The following TMPRSS11F variants were observed in gnomAD, a reference collection of about 807,000 sequenced individuals.
TMPRSS11F encodes the protein transmembrane serine protease 11F, also known as transmembrane protease serine 11F.
Under a neutral mutation model 60.2 loss-of-function variants are expected in TMPRSS11F, and 47 were observed. The ratio of observed to expected loss-of-function variants is 0.78; its 90% CI spans 0.62 to 1.00. TMPRSS11F has a LOEUF of 1.00. TMPRSS11F is among the 50% of genes least tolerant of loss of function. The pLI is 0.00. For missense variants in TMPRSS11F, 519 were observed against 522.9 expected, an observed-to-expected ratio of 0.99 and a Z score of 0.07; for synonymous variants, 166 against 167.3, an observed-to-expected ratio of 0.99 and a Z score of 0.06.
chr4:68,060,515 CAAAAAAA>C (rs71218926), intron 8 of TMPRSS11F, among the ~76,000 whole-genome samples: 5 of 29,638 alleles, frequency 1.7e-4, no homozygotes, highest in African/African-American at 6.3e-4. Context: ...GACTCCAACT[CAAAAAAA>C]AAAAAAAAAA....
At chr4:68,117,700 G>T (rs1724555507) in intron 1 of TMPRSS11F, among the ~76,000 whole-genome samples, 1 of 151,996 alleles carries the variant, frequency 6.6e-6, no homozygotes, top group African/African-American at 2.4e-5. Context: ...GCTAGGGTTG[G>T]CTCCAAGTTC....
intron 3 of TMPRSS11F, among the ~76,000 whole-genome samples, chr4:68,085,062 A>T (rs1158923832): frequency 7.8e-6 from 1 of 127,474 alleles, no homozygotes; most frequent in East Asian, 2.2e-4. Flanking sequence ...AAGGACATGA[A>T]CTCATCATTT....
At chr4:68,092,772 T>C (rs1723970280) in intron 2 of TMPRSS11F, among the ~76,000 whole-genome samples, 2 of 152,142 alleles carry the variant, frequency 1.3e-5, no homozygotes, top group Non-Finnish European at 2.9e-5. Flanking sequence ...AGCTATTCTA[T>C]TCATTATCAT....
At chr4:68,086,685 C>T (rs1723821597) in intron 3 of TMPRSS11F, among the ~76,000 whole-genome samples, 1 of 152,038 alleles carries the variant, frequency 6.6e-6, no homozygotes, top group Middle Eastern at 3.2e-3. Flanking sequence ...ACAAAGTTGA[C>T]ATTACAACCA....
chr4:68,093,398 C>G (rs944665317), intron 2 of TMPRSS11F, among the ~76,000 whole-genome samples: 32 of 152,088 alleles, frequency 2.1e-4, no homozygotes, highest in African/African-American at 7.5e-4. Context: ...AAAATCAATT[C>G]AAGATGGATT....
chr4:68,066,552 A>G lies in TMPRSS11F; in HGVS notation c.756-1608T>C, dbSNP rs139144372. ...TCCCCACTCACACTGTTTCACAAAG[A>G]CTGTAATCATTTTTCATAGACATAA... On this transcript the variant is annotated intron_variant, in intron 7 of 9. Coordinates refer to ENST00000356291, the MANE Select transcript of TMPRSS11F (RefSeq NM_207407.2). 3.9e-5 allele frequency among the ~76,000 whole-genome samples: 6 copies of G among 152,334 alleles called. No individual in the cohort carries two copies. The East Asian group carries it at 9.6e-4, about 24-fold the overall frequency.
chr4:68,107,286 C>T (rs1038286514), intron 1 of TMPRSS11F, among the ~76,000 whole-genome samples: 23 of 152,102 alleles, frequency 1.5e-4, no homozygotes, highest in African/African-American at 4.6e-4. Flanking sequence ...ATATAGACTG[C>T]CTTTATGTGT....
chr4:68,058,383 C>CT (rs1452264404), intron 9 of TMPRSS11F, among the ~76,000 whole-genome samples: 1 of 151,968 alleles, frequency 6.6e-6, no homozygotes, highest in Non-Finnish European at 1.5e-5. Context: ...ACAGTGAAAT[C>CT]TAAGCTGGAA....
rs555015639 is a variant in TMPRSS11F at position 68,077,421 on chromosome 4, G to A, written c.283-3412C>T. The A allele has an allele frequency of 3.3e-5, 5 of 152,312 alleles. No individual in the cohort carries two copies. The East Asian group carries it at 9.7e-4, about 29-fold the overall frequency. 9.4% of individuals were successfully genotyped at this position (152,312 alleles called of 1,614,324 possible). A position where few individuals can be genotyped will look rare whatever the true frequency, so the allele number is the denominator to read the frequency against. ...CTCTGTGATTCCAGTGATAACTTAA[G>A]GCAAGTTGATGCCCTGACTTTTGTA... On this transcript the variant is annotated intron_variant, in intron 3 of 9. Transcript: ENST00000356291.
chr4:68,064,189 CTT>C (rs571554504), intron 8 of TMPRSS11F, among the ~76,000 whole-genome samples: 4,946 of 119,706 alleles, frequency 0.041, 229 homozygotes, highest in African/African-American at 0.13. Context: ...TCTTTTTTTT[CTT>C]TTTTTTTTTT....
At chr4:68,060,073 A>C (rs1723126906) in intron 8 of TMPRSS11F, among the ~76,000 whole-genome samples, 1 of 152,118 alleles carries the variant, frequency 6.6e-6, no homozygotes, top group Admixed American at 6.6e-5. Flanking sequence ...TCTGGGTTGA[A>C]GCTATTGGTG....
chr4:68,076,874 T>A (rs1723594357), intron 3 of TMPRSS11F, among the ~76,000 whole-genome samples: 1 of 152,114 alleles, frequency 6.6e-6, no homozygotes, highest in African/African-American at 2.4e-5. Flanking sequence ...TCGTTGTCAA[T>A]GGTAAATACA....
intron 8 of TMPRSS11F, 84 bp from the exon 9 acceptor site, chr4:68,059,552 T>C (rs1276346613): frequency 3.0e-6 from 4 of 1,343,438 alleles, no homozygotes; most frequent in African/African-American, 2.9e-5. Flanking sequence ...ACATAAATTG[T>C]AGCAAAAGCC....
Position 68,071,002 on chromosome 4 carries a change from C to A in TMPRSS11F, c.515-995G>T, listed in dbSNP as rs573611414. 1.7e-3 allele frequency among the ~76,000 whole-genome samples: 252 copies of A among 151,470 alleles called. 1 individual carries two copies. The highest frequency in any genetic ancestry group is 6.0e-3 in the African/African-American group (245 of 40,888). ...TATCATAAAAAATCATTGTATGTAA[C>A]CAACAATGCCAAAATTTTTTAATAA... On this transcript the variant is annotated intron_variant, in intron 5 of 9. Coordinates refer to ENST00000356291, the MANE Select transcript of TMPRSS11F (RefSeq NM_207407.2).
At chr4:68,092,367 G>C (rs1261712312) in intron 2 of TMPRSS11F, among the ~76,000 whole-genome samples, 1 of 152,050 alleles carries the variant, frequency 6.6e-6, no homozygotes, top group Non-Finnish European at 1.5e-5. Context: ...GGCTGAGATA[G>C]CTTATCATCA....
At chr4:68,090,020 T>C (rs1723891286) in intron 3 of TMPRSS11F, among the ~76,000 whole-genome samples, 1 of 152,118 alleles carries the variant, frequency 6.6e-6, no homozygotes, top group Non-Finnish European at 1.5e-5. Context: ...TCACCCAATA[T>C]ACTTAAAAAA....
intron 9 of TMPRSS11F, among the ~76,000 whole-genome samples, chr4:68,056,195 A>G (rs556834385): frequency 4.6e-5 from 7 of 152,208 alleles, no homozygotes; most frequent in African/African-American, 1.7e-4. Context: ...GGCAAGAGAA[A>G]GAAATAGAAG....
At chr4:68,102,536 A>T (rs2109874245) in intron 1 of TMPRSS11F, among the ~76,000 whole-genome samples, 1 of 152,122 alleles carries the variant, frequency 6.6e-6, no homozygotes, top group East Asian at 1.9e-4. Flanking sequence ...GTGGTATCTC[A>T]TGTTAGTTTT....
chr4:68,092,168 AT>A (rs1371020695), intron 2 of TMPRSS11F, among the ~76,000 whole-genome samples: 2 of 151,760 alleles, frequency 1.3e-5, no homozygotes, highest in Non-Finnish European at 1.5e-5. Context: ...ATTCATTTAA[AT>A]TTTTTTAAAT....
Sources: gnomAD v4.1 joint callset for allele counts (sites outside exome capture counted in the v4.1 genomes callset) on GRCh38, gnomAD v4.1.1 for gene constraint, MANE v1.5 for transcripts, NCBI Gene and HGNC (gene_info 2026-07-23, HGNC 2026-07-21) for gene names.